The following BCOR variants were observed in gnomAD, a reference collection of about 807,000 sequenced individuals.
BCOR encodes BCL-6 corepressor.
A neutral mutation model predicts 86.7 loss-of-function variants in BCOR; 10 were observed. The ratio of observed to expected loss-of-function variants is 0.12; its 90% confidence interval spans 0.07 to 0.20. BCOR has a LOEUF of 0.20. BCOR is among the 10% of genes least tolerant of loss of function. The pLI is 1.00. For missense variants in BCOR, 1,259 were observed against 1,452.1 expected, an observed-to-expected ratio of 0.87 and a Z score of 2.16; for synonymous variants, 611 against 609.0, an observed-to-expected ratio of 1.00 and a Z score of -0.05.
chrX:40,052,500 T>G, intron 14 of BCOR, 100 bp from the exon 15 acceptor site: 1 of 728,801 alleles, frequency 1.4e-6, no homozygotes, highest in Non-Finnish European at 2.1e-6. Flanking sequence ...AGCCTCTATG[T>G]CCTTTCATTC....
rs1022270467 is a variant in BCOR at position 40,108,053 on chromosome X, G to A, written c.-40-30084C>T. On this transcript the variant is annotated intron_variant, in intron 1 of 14. Transcript: ENST00000342274. ...CCCCAGAAGCATGTCCCTCTGCGCGGCCGGAATGGTCCACCACTTGGGCCC... is the reference window on the plus strand; with the variant it reads ...CCCCAGAAGCATGTCCCTCTGCGCGACCGGAATGGTCCACCACTTGGGCCC... Among the ~76,000 whole-genome samples the A allele has an allele frequency of 2.7e-5, 3 of 112,731 alleles. No individual in the cohort carries two copies. The Admixed American group carries it at 2.8e-4, about 10-fold the overall frequency.
chrX:40,071,280 T>C, intron 5 of BCOR, 121 bp from the exon 6 acceptor site: 1 of 669,624 alleles, frequency 1.5e-6, no homozygotes, highest in Non-Finnish European at 2.2e-6. Flanking sequence ...AACCACAGCT[T>C]ATGAGATGTA....
intron 12 of BCOR, 131 bp from the exon 13 acceptor site, chrX:40,054,464 T>A: frequency 2.0e-6 from 1 of 506,565 alleles, no homozygotes; most frequent in Non-Finnish European, 3.5e-6. Context: ...TTCCTCTTTC[T>A]CAGCAAAATA....
At chrX:40,120,580 C>T (rs1023266582) in intron 1 of BCOR, among the ~76,000 whole-genome samples, 4 of 111,924 alleles carry the variant, frequency 3.6e-5, no homozygotes, top group Non-Finnish European at 7.5e-5. Flanking sequence ...GGGCCCCCTC[C>T]TCTGGCTCCT....
intron 1 of BCOR, among the ~76,000 whole-genome samples, chrX:40,124,012 G>A (rs899988654): frequency 8.1e-5 from 9 of 111,316 alleles, no homozygotes; most frequent in Non-Finnish European, 1.5e-4. Context: ...CCTTGGGAGC[G>A]GGAGAATGAG....
chrX:40,075,316 GGC>G, intron 3 of BCOR, 136 bp from the exon 4 acceptor site: 4 of 467,426 alleles, frequency 8.6e-6, no homozygotes, highest in Non-Finnish European at 1.4e-5. Context: ...CTTCCGGCGG[GGC>G]GGGGGTGGGG....
rs760093247 is a variant in BCOR at position 40,054,038 on chromosome X, T to G, written c.4824A>C (p.Pro1608=). 21 of 1,209,200 alleles carry G rather than the reference T, an allele frequency of 1.7e-5. No homozygotes were observed. The East Asian group carries it at 5.9e-4, about 34-fold the overall frequency. Residue 1608 remains proline, a synonymous_variant, in exon 14 of 15, where the codon CCA becomes CCC. Coordinates refer to ENST00000378444, the MANE Select transcript of BCOR (RefSeq NM_001123385.2). ...WDFYGSSVCE[P]DDESGYDVLA... ...AAACATCATAGCCACTTTCATCATC[T>G]GGTTCTAATGGAGGGCAAATAAGAG... is the stretch of plus-strand genomic sequence containing the variant.
chrX:40,109,633 C>T (rs1937263546), intron 1 of BCOR, among the ~76,000 whole-genome samples: 1 of 110,918 alleles, frequency 9.0e-6, no homozygotes, highest in African/African-American at 3.3e-5. Flanking sequence ...GGGTGCGGAG[C>T]CCCGGAGCCC....
intron 1 of BCOR, among the ~76,000 whole-genome samples, chrX:40,175,339 C>G (rs1387070351): frequency 6.2e-5 from 7 of 113,362 alleles, no homozygotes; most frequent in Non-Finnish European, 1.3e-4. Flanking sequence ...TTTCGCGGCC[C>G]GGGCCCGGCG....
At chrX:40,096,268 A>C (rs61183570) in intron 1 of BCOR, among the ~76,000 whole-genome samples, 9,383 of 109,352 alleles carry the variant, frequency 0.086, 535 homozygotes, top group East Asian at 0.48. Context: ...TGCCCAGCGG[A>C]GGGCCCAGGT....
At chrX:40,122,027 C>T (rs1441982041) in intron 1 of BCOR, among the ~76,000 whole-genome samples, 1 of 111,810 alleles carries the variant, frequency 8.9e-6, no homozygotes, top group African/African-American at 3.3e-5. Flanking sequence ...GCCCAAACTT[C>T]GATCCTGCTT....
At position 40,074,512 on chromosome X, in the gene BCOR, A is replaced by T; in HGVS notation, c.834T>A (p.Pro278=). The part of the protein sequence containing the change: ...STPSASPAIP[P]LVHCADKSLP... ...GGCTTTTGTCTGCGCAATGGACGAG[A>T]GGCGGGATGGCTGGGGAGGCCGAAG... Residue 278 remains proline (P), a synonymous_variant, in exon 4 of 15, where the codon CCT becomes CCA. Transcript: ENST00000378444. The T allele has an allele frequency of 8.3e-7, 1 of 1,206,644 alleles. No homozygotes were observed. Among genetic ancestry groups the T allele is most frequent in the East Asian group, 3.0e-5 (1 of 33,627 alleles).
intron 1 of BCOR, among the ~76,000 whole-genome samples, chrX:40,083,894 C>A (rs1182038114): frequency 1.8e-5 from 2 of 111,992 alleles, no homozygotes; most frequent in Non-Finnish European, 3.8e-5. Context: ...CATGGTGCCC[C>A]TTCCCGAGGC....
At chrX:40,131,774 A>G (rs1444785257) in intron 1 of BCOR, among the ~76,000 whole-genome samples, 5 of 111,900 alleles carry the variant, frequency 4.5e-5, no homozygotes, top group Admixed American at 9.5e-5. Context: ...GTTAGCCTCC[A>G]GGCCTCAAAT....
chrX:40,129,849 T>C lies in BCOR; in HGVS notation c.-41+47158A>G, dbSNP rs201296108. ...TGAGGTCCGGAGTTCGAGACCAGCC[T>C]GGACAACATGACGAAACCCCGTCTC... On this transcript the variant is annotated intron_variant, in intron 1 of 14. Coordinates refer to the BCOR transcript ENST00000342274. Among the ~76,000 whole-genome samples the C allele has an allele frequency of 2.3e-4, 25 of 110,615 alleles. No homozygotes were observed. In the East Asian group the frequency reaches 6.3e-3, roughly 28 times the overall value.
intron 1 of BCOR, among the ~76,000 whole-genome samples, chrX:40,080,489 G>A (rs1334223831): frequency 9.0e-6 from 1 of 111,081 alleles, no homozygotes; most frequent in Non-Finnish European, 1.9e-5. Context: ...CCCTTAAGTA[G>A]ACACCTTGTG....
At chrX:40,099,149 G>A (rs1937019703), upstream of BCOR, among the ~76,000 whole-genome samples, 1 of 112,631 alleles carries the variant, frequency 8.9e-6, no homozygotes, top group South Asian at 3.6e-4. Flanking sequence ...TGCGCCCGCA[G>A]CAGTTCAATT....
intron 1 of BCOR, among the ~76,000 whole-genome samples, chrX:40,159,802 T>C (rs1257178667): frequency 9.0e-6 from 1 of 111,493 alleles, no homozygotes; most frequent in East Asian, 2.8e-4. Context: ...ATGCAGAAAA[T>C]TGTCCTCAGA....
rs1430817668 is a variant in BCOR, at chrX:40,074,566, G to A, written c.780C>T (p.Ser260=). Residue 260 remains serine (S), a synonymous_variant, in exon 4 of 15, where the codon TCC becomes TCT. Coordinates refer to ENST00000378444, the MANE Select transcript of BCOR (RefSeq NM_001123385.2). Reference sequence around the variant, plus strand: ...TCGAGAGCCTCATGGGTGATGCCAAGGACGATGGGATGTGGGGACCGACGT... The same window carrying A: ...TCGAGAGCCTCATGGGTGATGCCAAAGACGATGGGATGTGGGGACCGACGT... ...PHYVGPHIPS[S]LASPMRLSTP... 5 of 1,210,393 alleles carry A rather than the reference G, an allele frequency of 4.1e-6. No homozygotes were observed. The highest frequency in any genetic ancestry group is 1.7e-5 in the African/African-American group (1 of 57,509).
Sources: allele counts gnomAD v4.1 joint callset (sites outside exome capture counted in the v4.1 genomes callset), GRCh38; gene constraint gnomAD v4.1.1; transcripts MANE v1.5; gene names NCBI Gene and HGNC (gene_info 2026-07-23, HGNC 2026-07-21).